Variants in FAAH2 observed in about 807,000 individuals in gnomAD.
FAAH2 encodes fatty acid amide hydrolase 2, also known as fatty-acid amide hydrolase 2.
A neutral mutation model predicts 36.9 loss-of-function variants in FAAH2; 60 were observed. The observed-to-expected ratio is 1.63, with a 90% CI of 1.32 to 2.02. FAAH2 has a LOEUF of 2.02. FAAH2 is among the 30% of genes most tolerant of loss of function. The pLI is 0.00. For missense variants in FAAH2, 689 were observed against 397.5 expected (o/e 1.73, Z -6.23); for synonymous variants, 214 against 143.8 (o/e 1.49, Z -3.49).
intron 5 of FAAH2, among the ~76,000 whole-genome samples, chrX:57,368,703 G>A (rs1030398727): frequency 9.0e-6 from 1 of 110,867 alleles, no homozygotes; most frequent in Non-Finnish European, 1.9e-5. Context: ...CAAGCCCTAG[G>A]AAACATCAGC....
the FAAH2 span, among the ~76,000 whole-genome samples, chrX:57,172,849 A>G: frequency 5.4e-5 from 6 of 111,167 alleles, no homozygotes; most frequent in Admixed American, 9.5e-5. Context: ...CCTATGTGCT[A>G]TGTGTTCCTC....
the FAAH2 span, among the ~76,000 whole-genome samples, chrX:57,152,113 T>C: frequency 8.9e-6 from 1 of 111,867 alleles, no homozygotes; most frequent in Non-Finnish European, 1.9e-5. Flanking sequence ...TGCTGCTGCC[T>C]GATCATTCCT....
chrX:57,480,998 C>CA (rs1208134334), intron 10 of FAAH2, among the ~76,000 whole-genome samples: 4 of 106,544 alleles, frequency 3.8e-5, no homozygotes, highest in African/African-American at 1.4e-4. Context: ...AGGTGATTTT[C>CA]AATCTCTGAT....
At chrX:57,307,608 A>G (rs966584034) in intron 2 of FAAH2, among the ~76,000 whole-genome samples, 1 of 111,692 alleles carries the variant, frequency 9.0e-6, no homozygotes. Flanking sequence ...TACTTTCAAC[A>G]TATTGCATTA....
At chrX:57,253,377 T>G in the FAAH2 span, among the ~76,000 whole-genome samples, 2 of 111,490 alleles carry the variant, frequency 1.8e-5, no homozygotes, top group African/African-American at 6.5e-5. Flanking sequence ...TTCCCAAACC[T>G]AGCAAGGCAG....
intron 7 of FAAH2, among the ~76,000 whole-genome samples, chrX:57,389,488 G>A (rs1464151675): frequency 9.2e-6 from 1 of 108,366 alleles, no homozygotes; most frequent in Non-Finnish European, 1.9e-5. Flanking sequence ...GTTTTTCTGT[G>A]TCTGGTTTAT....
the FAAH2 span, among the ~76,000 whole-genome samples, chrX:57,279,988 T>C: frequency 1.8e-5 from 2 of 111,862 alleles, no homozygotes; most frequent in African/African-American, 6.5e-5. Context: ...GAGTTCTAGC[T>C]AGGTCAATCA....
chrX:57,483,756 A>G (rs1251587405), intron 10 of FAAH2, among the ~76,000 whole-genome samples: 1 of 76,051 alleles, frequency 1.3e-5, no homozygotes, highest in Non-Finnish European at 2.3e-5. Flanking sequence ...CTCTGCTCCT[A>G]TTTCCTGTGC....
chrX:57,426,408 G>T (rs1007799468), intron 7 of FAAH2, among the ~76,000 whole-genome samples: 2 of 111,702 alleles, frequency 1.8e-5, no homozygotes, highest in Non-Finnish European at 3.8e-5. Flanking sequence ...AGACCAAGTA[G>T]ACCTAATAGA....
intron 7 of FAAH2, among the ~76,000 whole-genome samples, chrX:57,381,923 A>T (rs752119794): frequency 3.6e-5 from 4 of 111,709 alleles, no homozygotes; most frequent in Admixed American, 2.9e-4. Context: ...ACATAGTTGG[A>T]TGTAAAGCAC....
At position 57,352,017 on chromosome X, in the gene FAAH2, T is replaced by TGA. The variant is rs1230523213; in HGVS notation, c.742+10628_742+10629insAG. Among the ~76,000 whole-genome samples the TGA allele has an allele frequency of 2.8e-3, 42 of 15,159 alleles. 2 individuals are homozygous for TGA. The highest frequency in any genetic ancestry group is 0.019 in the Non-Finnish European group (33 of 1,697). The allele number at this position is 15,159 out of a possible 115,157, so 13.2% of individuals were successfully genotyped here. ...AAATAAGGAAGCAAATATATGTGTG[T>TGA]GTGTATATATATATATATACATATA... On this transcript the variant is annotated intron_variant, in intron 5 of 10. Transcript: ENST00000374900.
In FAAH2 at chrX:57,439,101, C is replaced by T. The variant is rs1284649365; in HGVS notation, c.1116+7064C>T. 7.2e-5 allele frequency among the ~76,000 whole-genome samples: 8 copies of T among 110,659 alleles called. No individual in the cohort carries two copies. The South Asian group carries it at 2.4e-3, about 33-fold the overall frequency. On this transcript the variant is annotated intron_variant, in intron 8 of 10. Transcript: ENST00000374900. Reference sequence around the variant, plus strand: ...CTTTATAGTAGCATGATTTATAATCCTTTGGGTATATACCCAGTAATGGGA... The same window carrying T: ...CTTTATAGTAGCATGATTTATAATCTTTTGGGTATATACCCAGTAATGGGA...
chrX:57,484,157 G>A (rs2057431095), intron 10 of FAAH2, among the ~76,000 whole-genome samples: 1 of 110,818 alleles, frequency 9.0e-6, no homozygotes, highest in Admixed American at 9.7e-5. Flanking sequence ...CCAGGGGGTA[G>A]CACTTAAGGG....
the FAAH2 span, among the ~76,000 whole-genome samples, chrX:57,219,619 G>A: frequency 8.0e-5 from 9 of 111,817 alleles, no homozygotes; most frequent in African/African-American, 2.9e-4. Flanking sequence ...GTCTTAAGGG[G>A]ACGCCTCTAA....
chrX:57,148,525 T>C, the FAAH2 span, among the ~76,000 whole-genome samples: 1 of 111,397 alleles, frequency 9.0e-6, no homozygotes, highest in Non-Finnish European at 1.9e-5. Flanking sequence ...TTTGAAGCAA[T>C]TGTGAATGGG....
chrX:57,378,185 T>A (rs1424639360), intron 5 of FAAH2, among the ~76,000 whole-genome samples: 1 of 112,265 alleles, frequency 8.9e-6, no homozygotes. Context: ...AAATAGCCTG[T>A]TCTTTGCGGA....
At chrX:57,394,898 C>T in intron 7 of FAAH2, 3 of 783,660 alleles carry the variant, frequency 3.8e-6, no homozygotes, top group South Asian at 4.1e-5. Flanking sequence ...GACTATTTTA[C>T]TGCACCCAAC....
In FAAH2 at chrX:57,332,661, G is replaced by T. The variant is rs1185811778; in HGVS notation, c.622+854G>T. ...TTTGAGAATCAAAATGTATGTGGTG[G>T]TTGGGTGGGGGGATCTTAGGGGCCC... On this transcript the variant is annotated intron_variant, in intron 4 of 10. Transcript: ENST00000374900. 2.7e-5 allele frequency among the ~76,000 whole-genome samples: 3 copies of T among 111,203 alleles called. No homozygotes were observed. In the East Asian group the frequency reaches 8.5e-4, roughly 32 times the overall value.
intron 7 of FAAH2, chrX:57,393,789 T>G: frequency 1.1e-6 from 1 of 894,055 alleles, no homozygotes; most frequent in East Asian, 3.1e-5. Flanking sequence ...GTGTGACTTT[T>G]CTTCGTTGGA....
Sources: allele counts gnomAD v4.1 joint callset (sites outside exome capture counted in the v4.1 genomes callset), GRCh38; gene constraint gnomAD v4.1.1; transcripts MANE v1.5; gene names NCBI Gene and HGNC (gene_info 2026-07-23, HGNC 2026-07-21).